Variants in SV2C observed in about 807,000 individuals in gnomAD.
The protein encoded by SV2C is synaptic vesicle glycoprotein 2C.
Under a neutral mutation model 79.7 loss-of-function variants are expected in SV2C, and 49 were observed. The observed-to-expected ratio is 0.61, with a 90% CI of 0.49 to 0.78. The LOEUF (loss-of-function observed/expected upper bound fraction) is 0.78. SV2C is among the 30% of genes least tolerant of loss of function. The pLI is 0.00. For synonymous variants in SV2C, 334 were observed against 333.2 expected, an observed-to-expected ratio of 1.00 and a Z score of -0.03; for missense variants, 833 against 912.9, an observed-to-expected ratio of 0.91 and a Z score of 1.13.
intron 4 of SV2C, among the ~76,000 whole-genome samples, chr5:76,281,457 C>T (rs1747193531): frequency 6.6e-6 from 1 of 150,736 alleles, no homozygotes; most frequent in African/African-American, 2.4e-5. Flanking sequence ...GGTTCTCCAA[C>T]TTAACTTCTA....
At chr5:76,151,293 T>C (rs1414324280) in intron 2 of SV2C, among the ~76,000 whole-genome samples, 1 of 152,158 alleles carries the variant, frequency 6.6e-6, no homozygotes, top group African/African-American at 2.4e-5. Context: ...TTTGTCGAAG[T>C]GTAGCATGCT....
At chr5:76,338,028 C>G (rs1310550497), downstream of SV2C, among the ~76,000 whole-genome samples, 1 of 152,194 alleles carries the variant, frequency 6.6e-6, no homozygotes, top group Non-Finnish European at 1.5e-5. Context: ...TTGGATAAGA[C>G]CATGCCACCT....
the SV2C span, among the ~76,000 whole-genome samples, chr5:75,928,278 C>A: frequency 6.6e-6 from 1 of 152,148 alleles, no homozygotes; most frequent in Non-Finnish European, 1.5e-5. Flanking sequence ...TCATTTCAAA[C>A]TCTGAGAGAA....
At chr5:75,867,268 G>A in the SV2C span, among the ~76,000 whole-genome samples, 1 of 152,116 alleles carries the variant, frequency 6.6e-6, no homozygotes, top group Non-Finnish European at 1.5e-5. Flanking sequence ...TCAACCAGAG[G>A]GCATGGTGGG....
intron 2 of SV2C, among the ~76,000 whole-genome samples, chr5:76,164,668 G>T (rs1251094511): frequency 6.6e-6 from 1 of 151,456 alleles, no homozygotes; most frequent in Non-Finnish European, 1.5e-5. Context: ...ATTAGACTCT[G>T]CTTGTCACTT....
chr5:76,208,392 A>G (rs1252138726), intron 3 of SV2C, among the ~76,000 whole-genome samples: 1 of 152,190 alleles, frequency 6.6e-6, no homozygotes, highest in African/African-American at 2.4e-5. Flanking sequence ...GCACCAGCCT[A>G]AGTGGTCTTC....
chr5:75,952,203 ATAACT>A, the SV2C span, among the ~76,000 whole-genome samples: 2 of 152,070 alleles, frequency 1.3e-5, no homozygotes, highest in East Asian at 1.9e-4. Flanking sequence ...CTGAATTGAA[ATAACT>A]TAACTTATTC....
At chr5:75,981,550 G>A in the SV2C span, among the ~76,000 whole-genome samples, 5 of 151,872 alleles carry the variant, frequency 3.3e-5, no homozygotes, top group African/African-American at 7.3e-5. Flanking sequence ...TAAAGAACCC[G>A]GAAATAAGAC....
intron 2 of SV2C, among the ~76,000 whole-genome samples, chr5:76,180,204 G>T (rs1354350248): frequency 6.6e-6 from 1 of 152,022 alleles, no homozygotes; most frequent in African/African-American, 2.4e-5. Context: ...TTGTTTTCTT[G>T]TTCTGTTCCT....
chr5:76,110,106 T>C (rs1057280850), intron 1 of SV2C, among the ~76,000 whole-genome samples: 1 of 152,208 alleles, frequency 6.6e-6, no homozygotes, highest in African/African-American at 2.4e-5. Context: ...AATCAAATCG[T>C]GTTTTCTAAC....
At chr5:76,338,631 A>T (rs1455436559), downstream of SV2C, among the ~76,000 whole-genome samples, 3 of 148,364 alleles carry the variant, frequency 2.0e-5, no homozygotes, top group Non-Finnish European at 4.5e-5. Context: ...GAAGACAACC[A>T]TAGTATTTTC....
At chr5:76,231,490 G>T (rs1745419680) in intron 4 of SV2C, among the ~76,000 whole-genome samples, 1 of 151,422 alleles carries the variant, frequency 6.6e-6, no homozygotes, top group Admixed American at 6.6e-5. Context: ...ACATTGTGCA[G>T]GTTAGTTACA....
chr5:76,024,551 C>T, the SV2C span, among the ~76,000 whole-genome samples: 2 of 152,128 alleles, frequency 1.3e-5, no homozygotes, highest in East Asian at 1.9e-4. Flanking sequence ...CACCCTTTTC[C>T]ATAAGCATTA....
At chr5:76,118,447 TA>T (rs1748354497) in intron 1 of SV2C, among the ~76,000 whole-genome samples, 1 of 152,250 alleles carries the variant, frequency 6.6e-6, no homozygotes, top group Non-Finnish European at 1.5e-5. Flanking sequence ...CTGTTCAATC[TA>T]CTACAAACCT....
chr5:75,928,607 T>C, the SV2C span, among the ~76,000 whole-genome samples: 1 of 152,200 alleles, frequency 6.6e-6, no homozygotes, highest in Non-Finnish European at 1.5e-5. Flanking sequence ...CTTAGAAGGA[T>C]ATATAATCCC....
chr5:76,005,391 A>G, the SV2C span, among the ~76,000 whole-genome samples: 1 of 152,180 alleles, frequency 6.6e-6, no homozygotes, highest in African/African-American at 2.4e-5. Flanking sequence ...CGCTCTTCTC[A>G]TTTCTTACCC....
chr5:75,948,380 C>T, the SV2C span, among the ~76,000 whole-genome samples: 2 of 152,100 alleles, frequency 1.3e-5, no homozygotes, highest in East Asian at 3.9e-4. Context: ...TTATTGAGTA[C>T]TCCCTATGCT....
chr5:75,936,642 C>A, the SV2C span, among the ~76,000 whole-genome samples: 2 of 152,122 alleles, frequency 1.3e-5, no homozygotes, highest in African/African-American at 4.8e-5. Context: ...TAAAGACAGC[C>A]ATTATATGTT....
rs1749245268 is a variant in SV2C at position 76,333,622 on chromosome 5, A to G, written c.*8075A>G. 1 of 152,110 alleles carries G rather than the reference A, an allele frequency of 6.6e-6. No individual in the cohort carries two copies. The highest frequency in any genetic ancestry group is 2.1e-4 in the South Asian group (1 of 4,826). 9.4% of individuals were successfully genotyped at this position (152,110 alleles called of 1,614,324 possible). Reference sequence around the variant, plus strand: ...TGTATATACGTGTGCTGCATGTGTAAATTCTGTTTCAGGTTTTGGAGTTTT... The same window carrying G: ...TGTATATACGTGTGCTGCATGTGTAGATTCTGTTTCAGGTTTTGGAGTTTT... On this transcript the variant is annotated 3_prime_UTR_variant, in exon 13 of 13. Coordinates refer to ENST00000502798, the MANE Select transcript of SV2C (RefSeq NM_014979.4).
Sources: gnomAD v4.1 joint callset for allele counts (sites outside exome capture counted in the v4.1 genomes callset) on GRCh38, gnomAD v4.1.1 for gene constraint, MANE v1.5 for transcripts, NCBI Gene and HGNC (gene_info 2026-07-23, HGNC 2026-07-21) for gene names.